Variants in TIPRL observed in about 807,000 individuals in gnomAD.
The protein encoded by TIPRL is TIP41-like protein.
Under a neutral mutation model 32.3 loss-of-function variants are expected in TIPRL, and 10 were observed. The observed-to-expected ratio is 0.31, with a 90% CI of 0.19 to 0.52. TIPRL has a LOEUF of 0.52. Ranked by LOEUF, TIPRL falls within the 20% of genes least tolerant of loss-of-function variation. The probability of loss-of-function intolerance (pLI) is 0.96; values close to 1 mark genes in which losing one functional copy is unlikely to be tolerated. For synonymous variants in TIPRL, 100 were observed against 114.0 expected (o/e 0.88, Z 0.78); for missense variants, 250 against 328.1 (o/e 0.76, Z 1.84).
At chr1:168,179,977 G>C (rs1699940421) in intron 1 of TIPRL, among the ~76,000 whole-genome samples, 1 of 152,078 alleles carries the variant, frequency 6.6e-6, no homozygotes, top group Non-Finnish European at 1.5e-5. Flanking sequence ...AGAGATGAGA[G>C]GTAGGCCCCA....
intron 3 of TIPRL, among the ~76,000 whole-genome samples, chr1:168,189,648 A>G (rs1700067768): frequency 2.0e-5 from 3 of 152,028 alleles, no homozygotes; most frequent in South Asian, 2.1e-4. Flanking sequence ...CCCAGCCCAT[A>G]TGTTTTATAT....
chr1:168,185,498 C>T (rs763651294), intron 3 of TIPRL, among the ~76,000 whole-genome samples: 14 of 151,654 alleles, frequency 9.2e-5, no homozygotes, highest in Admixed American at 3.9e-4. Context: ...TGGGGCCAGG[C>T]GCAGTGGCTC....
intron 1 of TIPRL, among the ~76,000 whole-genome samples, chr1:168,180,158 AAGG>A (rs1422008373): frequency 3.9e-5 from 6 of 152,114 alleles, no homozygotes; most frequent in Non-Finnish European, 7.3e-5. Flanking sequence ...CAGGGATGGG[AAGG>A]AGACCAGTTA....
chr1:168,192,854 C>G (rs1171673433), intron 4 of TIPRL, among the ~76,000 whole-genome samples: 1 of 114,452 alleles, frequency 8.7e-6, no homozygotes, highest in African/African-American at 5.6e-5. Context: ...CCACTGCACT[C>G]CAGCCTGGGC....
At position 168,184,858 on chromosome 1, in the gene TIPRL, G is replaced by A; in HGVS notation, c.364G>A (p.Gly122Arg). 6.2e-7 allele frequency: 1 copy of A among 1,607,484 alleles called. No individual in the cohort carries two copies. Among genetic ancestry groups the A allele is most frequent in the Non-Finnish European group, 8.5e-7 (1 of 1,174,868 alleles). The change falls in exon 3 of 7, where the codon GGA becomes AGA. Residue 122 changes from glycine to arginine, a missense_variant. By Grantham distance (125) the Gly-to-Arg change is moderately radical. Coordinates refer to ENST00000367833, the MANE Select transcript of TIPRL (RefSeq NM_152902.5). The stretch of plus-strand genomic sequence containing the variant: ...AACAGATTATAAGGGAACCTTACTT[G>A]GAGAATCTCTTAAGTTAAAGGTAAA... ...YTTDYKGTLLGESLKLKVVPT... is the reference protein window; with the variant it reads ...YTTDYKGTLLRESLKLKVVPT...
chr1:168,192,994 A>G (rs1396406788), intron 4 of TIPRL, among the ~76,000 whole-genome samples: 1 of 152,248 alleles, frequency 6.6e-6, no homozygotes, highest in African/African-American at 2.4e-5. Context: ...TTCTTGGGGC[A>G]TAATGATTGT....
At chr1:168,199,825 GA>G in intron 6 of TIPRL, 77 bp from the exon 7 acceptor site, 1 of 1,467,912 alleles carries the variant, frequency 6.8e-7, no homozygotes, top group Non-Finnish European at 9.2e-7. Context: ...CATGCTTTAT[GA>G]ATGCTTGAAC....
chr1:168,188,810 A>G (rs1358918910), intron 3 of TIPRL, among the ~76,000 whole-genome samples: 2 of 151,994 alleles, frequency 1.3e-5, no homozygotes, highest in Non-Finnish European at 2.9e-5. Flanking sequence ...AAAACCCTGT[A>G]TCTACTAAAA....
chr1:168,184,118 A>C (rs1699999791), intron 2 of TIPRL, 37 bp downstream of exon 2: 1 of 1,567,868 alleles, frequency 6.4e-7, no homozygotes, highest in South Asian at 1.2e-5. Flanking sequence ...CAAAAAAGGT[A>C]ATTAGGTTAA....
At position 168,196,564 on chromosome 1, in the gene TIPRL, CT is replaced by C. The variant is rs1558165950; in HGVS notation, c.539del (p.Phe180SerfsTer8). ...SVKIRVMPSS[F>X]FLLLRFFLRI... The stretch of plus-strand genomic sequence containing the variant: ...TTTTCCAGAGAGTAATGCCTTCTAG[CT>C]TTTTCCTGCTGTTGCGGTTTTTCTT... On this transcript the variant is annotated frameshift_variant, in exon 5 of 7. Coordinates refer to ENST00000367833, the MANE Select transcript of TIPRL (RefSeq NM_152902.5). LOFTEE classifies it high-confidence loss of function. The C allele has an allele frequency of 1.3e-6, 2 of 1,582,272 alleles. No homozygotes were observed. The highest frequency in any genetic ancestry group is 1.4e-5 in the African/African-American group (1 of 71,366).
chr1:168,198,192 T>G (rs1700177405), intron 5 of TIPRL, among the ~76,000 whole-genome samples: 2 of 152,158 alleles, frequency 1.3e-5, no homozygotes, highest in South Asian at 4.1e-4. Flanking sequence ...TTCTAAGTAT[T>G]AAAGATAGTG....
intron 6 of TIPRL, 24 bp from the exon 7 acceptor site, chr1:168,199,879 T>A (rs573684136): frequency 6.2e-7 from 1 of 1,603,796 alleles, no homozygotes; most frequent in South Asian, 1.1e-5. Flanking sequence ...CTGAATATGC[T>A]AATATGATTT....
At chr1:168,180,935 A>G (rs1203295082) in intron 1 of TIPRL, among the ~76,000 whole-genome samples, 1 of 149,846 alleles carries the variant, frequency 6.7e-6, no homozygotes, top group Non-Finnish European at 1.5e-5. Flanking sequence ...AAGTGCCGGG[A>G]TTACAGGCAT....
Position 168,199,883 on chromosome 1 carries a change from A to G in TIPRL, c.676-20A>G. On this transcript the variant is annotated intron_variant, in intron 6 of 6. Transcript: ENST00000367833. The stretch of plus-strand genomic sequence containing the variant: ...CAGTACAGTAACTGAATATGCTAAT[A>G]TGATTTATGTATTTCCTAGCATGTT... 1.2e-6 allele frequency: 2 copies of G among 1,605,402 alleles called. No individual in the cohort carries two copies. Among genetic ancestry groups the G allele is most frequent in the East Asian group, 4.5e-5 (2 of 44,680 alleles).
At chr1:168,181,068 C>T (rs551031199) in intron 1 of TIPRL, among the ~76,000 whole-genome samples, 34 of 152,082 alleles carry the variant, frequency 2.2e-4, no homozygotes, top group Admixed American at 1.8e-3. Context: ...CTGCAGCCTC[C>T]GCCTTCCAGG....
At chr1:168,192,473 A>G in intron 4 of TIPRL, 3 of 954,894 alleles carry the variant, frequency 3.1e-6, no homozygotes, top group Non-Finnish European at 2.5e-6. Context: ...AAATAACTCA[A>G]CTGAAACTTT....
rs972092650 is a variant in TIPRL, at chr1:168,192,222, C to A, written c.516+722C>A. On this transcript the variant is annotated intron_variant, in intron 4 of 6. Transcript: ENST00000367833. ...TCAATTTTCAGCCTGGTGGCGGGCA[C>A]CTGTAGTCCCAGCTACTCGGGAGGC... 11 of 1,478,712 alleles carry A rather than the reference C, an allele frequency of 7.4e-6. No individual in the cohort carries two copies. In the Admixed American group the frequency reaches 2.1e-4, roughly 28 times the overall value. The allele number at this position is 1,478,712 out of a possible 1,614,324, so 91.6% of individuals were successfully genotyped here.
intron 3 of TIPRL, among the ~76,000 whole-genome samples, chr1:168,186,509 GTAAAA>G (rs1396539324): frequency 1.3e-5 from 2 of 152,008 alleles, no homozygotes; most frequent in Non-Finnish European, 2.9e-5. Context: ...AAAACAATAA[GTAAAA>G]TAAAATAAAG....
intron 4 of TIPRL, 80 bp from the exon 5 acceptor site, chr1:168,196,467 T>C (rs553873506): frequency 6.8e-5 from 71 of 1,051,436 alleles, no homozygotes; most frequent in Middle Eastern, 3.2e-4. Flanking sequence ...GTTTTTTGTT[T>C]TCAAATTTTT....
Sources: allele counts gnomAD v4.1 joint callset (sites outside exome capture counted in the v4.1 genomes callset), GRCh38; gene constraint gnomAD v4.1.1; transcripts MANE v1.5; gene names NCBI Gene and HGNC (gene_info 2026-07-23, HGNC 2026-07-21).